LRRC4C: variants seen among roughly 807,000 people sequenced by gnomAD.
The protein encoded by LRRC4C is leucine-rich repeat-containing protein 4C.
Under a neutral mutation model 33.6 loss-of-function variants are expected in LRRC4C, and 5 were observed. The ratio of observed to expected loss-of-function variants is 0.15; its 90% CI spans 0.08 to 0.31. The LOEUF (loss-of-function observed/expected upper bound fraction) is 0.31, where lower values mean the gene tolerates loss of function less well. Ranked by LOEUF, LRRC4C falls within the 10% of genes least tolerant of loss-of-function variation. The pLI is 1.00. For synonymous variants in LRRC4C, 329 were observed against 302.0 expected, an observed-to-expected ratio of 1.09 and a Z score of -0.93; for missense variants, 560 against 796.7, an observed-to-expected ratio of 0.70 and a Z score of 3.58.
intron 2 of LRRC4C, among the ~76,000 whole-genome samples, chr11:40,756,234 C>T (rs561369464): frequency 3.7e-4 from 57 of 152,104 alleles, no homozygotes; most frequent in African/African-American, 1.3e-3. Context: ...ATTATTTAAG[C>T]CATTTAGTCT....
chr11:40,183,503 G>A (rs1861175635), intron 5 of LRRC4C, among the ~76,000 whole-genome samples: 1 of 152,184 alleles, frequency 6.6e-6, no homozygotes, highest in Non-Finnish European at 1.5e-5. Flanking sequence ...GAGAAGACTA[G>A]AATCAATCAT....
intron 1 of LRRC4C, among the ~76,000 whole-genome samples, chr11:41,017,766 AAT>A (rs1416027903): frequency 2.7e-5 from 4 of 149,720 alleles, no homozygotes; most frequent in Admixed American, 2.0e-4. Context: ...TATTAATCAG[AAT>A]ATATATAATA....
chr11:40,732,287 A>T (rs1947625762), intron 2 of LRRC4C, among the ~76,000 whole-genome samples: 1 of 152,164 alleles, frequency 6.6e-6, no homozygotes, highest in South Asian at 2.1e-4. Flanking sequence ...TTACTCAAGG[A>T]GGTACAATAA....
At chr11:40,620,196 G>A (rs1204589039) in intron 3 of LRRC4C, among the ~76,000 whole-genome samples, 2 of 151,594 alleles carry the variant, frequency 1.3e-5, no homozygotes, top group Admixed American at 1.3e-4. Flanking sequence ...AATGAGAGGA[G>A]TTTCTCTATG....
chr11:40,234,155 C>T (rs1482273027), intron 5 of LRRC4C, among the ~76,000 whole-genome samples: 1 of 152,106 alleles, frequency 6.6e-6, no homozygotes, highest in Non-Finnish European at 1.5e-5. Flanking sequence ...TTAAGGGTCC[C>T]CAAAGAACAT....
intron 3 of LRRC4C, among the ~76,000 whole-genome samples, chr11:40,577,995 C>T (rs1471831660): frequency 1.3e-5 from 2 of 151,192 alleles, no homozygotes; most frequent in Non-Finnish European, 3.0e-5. Flanking sequence ...CCACTATGCC[C>T]GGTTAATTTT....
intron 2 of LRRC4C, among the ~76,000 whole-genome samples, chr11:40,715,141 A>G (rs1237962383): frequency 1.3e-5 from 2 of 152,208 alleles, no homozygotes; most frequent in Non-Finnish European, 1.5e-5. Flanking sequence ...TAGTGAAAAG[A>G]ATGAGCTGAG....
intron 3 of LRRC4C, among the ~76,000 whole-genome samples, chr11:40,454,613 AT>A (rs200986051): frequency 2.6e-5 from 4 of 152,068 alleles, no homozygotes; most frequent in East Asian, 3.9e-4. Flanking sequence ...CAGTGTATGA[AT>A]TTTTTTTCTG....
intron 3 of LRRC4C, among the ~76,000 whole-genome samples, chr11:40,343,402 G>A (rs548644225): frequency 1.3e-5 from 2 of 152,014 alleles, no homozygotes; most frequent in East Asian, 1.9e-4. Flanking sequence ...ATGCAGGATT[G>A]TTTTTTAGGT....
At chr11:40,450,956 G>C (rs1951855885) in intron 3 of LRRC4C, among the ~76,000 whole-genome samples, 1 of 151,902 alleles carries the variant, frequency 6.6e-6, no homozygotes, top group South Asian at 2.1e-4. Flanking sequence ...ATAATATCTT[G>C]AGGTAAGTGA....
intron 1 of LRRC4C, among the ~76,000 whole-genome samples, chr11:41,145,181 G>A (rs1156684252): frequency 3.3e-5 from 5 of 152,050 alleles, no homozygotes; most frequent in African/African-American, 7.2e-5. Context: ...TTGCTAGATG[G>A]TTCTCTAGAA....
intron 3 of LRRC4C, among the ~76,000 whole-genome samples, chr11:40,385,604 C>T (rs1949075512): frequency 6.6e-6 from 1 of 151,958 alleles, no homozygotes; most frequent in African/African-American, 2.4e-5. Context: ...GGTAGTGGCT[C>T]ACACCTGTAA....
At chr11:40,957,268 T>C (rs1321807794) in intron 1 of LRRC4C, among the ~76,000 whole-genome samples, 1 of 151,758 alleles carries the variant, frequency 6.6e-6, no homozygotes, top group Admixed American at 6.6e-5. Flanking sequence ...AAGGTGCAAG[T>C]CGCTTAGCAA....
intron 1 of LRRC4C, among the ~76,000 whole-genome samples, chr11:41,031,159 A>G (rs1856707242): frequency 6.6e-6 from 1 of 151,436 alleles, no homozygotes; most frequent in African/African-American, 2.4e-5. Context: ...GATTTTATTT[A>G]AAATGGCTAG....
intron 3 of LRRC4C, among the ~76,000 whole-genome samples, chr11:40,599,535 T>A (rs529199553): frequency 3.3e-5 from 5 of 152,288 alleles, no homozygotes; most frequent in East Asian, 3.9e-4. Context: ...TTTTTGACCA[T>A]GTTTTTGCCT....
intron 1 of LRRC4C, among the ~76,000 whole-genome samples, chr11:41,067,809 G>A (rs1277106199): frequency 2.0e-5 from 3 of 152,096 alleles, no homozygotes; most frequent in Non-Finnish European, 2.9e-5. Context: ...ATGACTTGGG[G>A]GTAAATAAGG....
intron 1 of LRRC4C, among the ~76,000 whole-genome samples, chr11:41,262,407 T>TA (rs71063907): frequency 0.67 from 96,833 of 144,130 alleles, 33,762 homozygotes; most frequent in Admixed American, 0.79. Context: ...AACAGTTGAT[T>TA]AAAAAAAAAA....
At position 40,420,954 on chromosome 11, in the gene LRRC4C, A is replaced by G. The variant is rs113585223; in HGVS notation, c.-269-101233T>C. Reference sequence around the variant, plus strand: ...CATGGCTATCATCATTGTCACCCTCATGGTCATCATCAAGTTAATCAAGCA... The same window carrying G: ...CATGGCTATCATCATTGTCACCCTCGTGGTCATCATCAAGTTAATCAAGCA... On this transcript the variant is annotated intron_variant, in intron 3 of 6. Transcript: ENST00000528697. Among the ~76,000 whole-genome samples the G allele has an allele frequency of 3.3e-4, 51 of 152,312 alleles. 3 individuals carry two copies. Among genetic ancestry groups the G allele is most frequent in the African/African-American group, 1.1e-3 (47 of 41,564 alleles).
intron 3 of LRRC4C, among the ~76,000 whole-genome samples, chr11:40,368,022 T>G (rs893128509): frequency 2.6e-5 from 4 of 152,294 alleles, no homozygotes; most frequent in African/African-American, 9.6e-5. Context: ...TCTTGGCAGC[T>G]ATATTTTTAT....
Sources: gnomAD v4.1 joint callset for allele counts (sites outside exome capture counted in the v4.1 genomes callset) on GRCh38, gnomAD v4.1.1 for gene constraint, MANE v1.5 for transcripts, NCBI Gene and HGNC (gene_info 2026-07-23, HGNC 2026-07-21) for gene names.